The following TUSC7 variants were observed in gnomAD, a reference collection of about 807,000 sequenced individuals.
TUSC7 encodes the protein LSAMP antisense RNA 3.
At chr3:116,713,041 T>C (rs1483096420) in intron 1 of TUSC7, among the ~76,000 whole-genome samples, 1 of 152,198 alleles carries the variant, frequency 6.6e-6, no homozygotes, top group Admixed American at 6.5e-5. Flanking sequence ...CACATAAATA[T>C]ATCTCTAACC....
chr3:116,715,655 T>G (rs542316313), intron 1 of TUSC7, among the ~76,000 whole-genome samples: 1 of 152,312 alleles, frequency 6.6e-6, no homozygotes, highest in South Asian at 2.1e-4. Context: ...ATTTGGCCCA[T>G]TTTTAAATCG....
At chr3:116,712,924 C>T (rs1475607464) in intron 1 of TUSC7, 4 of 152,064 alleles carry the variant, frequency 2.6e-5, no homozygotes, top group Non-Finnish European at 5.9e-5. Context: ...TCTTTTTCAG[C>T]TTACCAAGTG....
intron 1 of TUSC7, chr3:116,714,186 T>A (rs1576301894): frequency 1.3e-5 from 2 of 151,954 alleles, no homozygotes; most frequent in South Asian, 4.1e-4. Flanking sequence ...AATAAGCCAA[T>A]GAGAACAAAA....
At chr3:116,717,014 A>G (rs1368285489) in intron 1 of TUSC7, 2 of 152,174 alleles carry the variant, frequency 1.3e-5, no homozygotes, top group East Asian at 3.8e-4. Flanking sequence ...CCTTCAAATA[A>G]AATGATGACT....
exon 1 of TUSC7, chr3:116,709,811 C>G (rs890091422): frequency 1.3e-5 from 2 of 152,104 alleles, no homozygotes; most frequent in Non-Finnish European, 2.9e-5. Context: ...CCACTCTGAG[C>G]TTTTCCTCTG....
At chr3:116,712,217 T>C (rs1027062738) in intron 1 of TUSC7, 3 of 152,224 alleles carry the variant, frequency 2.0e-5, no homozygotes, top group Admixed American at 6.5e-5. Context: ...TTTTCTGCCT[T>C]TGTCACCAAA....
At chr3:116,709,948 T>C (rs1161248330) in intron 1 of TUSC7, 1 of 152,082 alleles carries the variant, frequency 6.6e-6, no homozygotes, top group African/African-American at 2.4e-5. Context: ...GAGATAAGTC[T>C]GACAGTGGTT....
At chr3:116,710,229 C>G (rs2051451436) in intron 1 of TUSC7, 2 of 152,150 alleles carry the variant, frequency 1.3e-5, no homozygotes, top group African/African-American at 4.8e-5. Flanking sequence ...GACCTGCCCT[C>G]CATTCTATCT....
intron 1 of TUSC7, among the ~76,000 whole-genome samples, chr3:116,713,652 G>C (rs2051480901): frequency 6.6e-6 from 1 of 152,170 alleles, no homozygotes; most frequent in Non-Finnish European, 1.5e-5. Context: ...GAGCTGTAAA[G>C]ACACCTTTTG....
intron 1 of TUSC7, chr3:116,714,161 A>G (rs1324245298): frequency 2.0e-5 from 3 of 152,066 alleles, no homozygotes; most frequent in East Asian, 1.9e-4. Context: ...GTAAAAAAAA[A>G]ATCAATTTAA....
intron 1 of TUSC7, among the ~76,000 whole-genome samples, chr3:116,710,916 C>T (rs1460340685): frequency 6.6e-6 from 1 of 151,998 alleles, no homozygotes; most frequent in Non-Finnish European, 1.5e-5. Context: ...TAGATAGTTA[C>T]TCCATTAACA....
At chr3:116,711,966 C>A (rs1362918180) in intron 1 of TUSC7, among the ~76,000 whole-genome samples, 1 of 152,032 alleles carries the variant, frequency 6.6e-6, no homozygotes, top group East Asian at 1.9e-4. Flanking sequence ...AGAATTTATC[C>A]TTTTTTGTGA....
intron 1 of TUSC7, among the ~76,000 whole-genome samples, chr3:116,712,153 G>A (rs1472690750): frequency 3.3e-5 from 5 of 152,118 alleles, no homozygotes; most frequent in Non-Finnish European, 7.4e-5. Context: ...GTGAGAAAGG[G>A]TCTGATTTAC....
chr3:116,710,041 T>C (rs1390119086), intron 1 of TUSC7: 1 of 152,170 alleles, frequency 6.6e-6, no homozygotes, highest in Non-Finnish European at 1.5e-5. Flanking sequence ...CCACAGATCA[T>C]GCTCAAGCAA....
chr3:116,714,737 C>T (rs1031909593), intron 1 of TUSC7, among the ~76,000 whole-genome samples: 4 of 152,110 alleles, frequency 2.6e-5, no homozygotes, highest in African/African-American at 7.2e-5. Context: ...ACCGATTTCT[C>T]ATATAGCCCC....
At chr3:116,715,193 C>T (rs2051495426) in intron 1 of TUSC7, among the ~76,000 whole-genome samples, 2 of 151,994 alleles carry the variant, frequency 1.3e-5, no homozygotes, top group African/African-American at 4.8e-5. Flanking sequence ...GAATAATATT[C>T]CTTTGTATGT....
chr3:116,713,620 TG>T (rs1242116260), intron 1 of TUSC7, among the ~76,000 whole-genome samples: 1 of 152,218 alleles, frequency 6.6e-6, no homozygotes, highest in Admixed American at 6.5e-5. Context: ...CTAATCATGA[TG>T]AACTGTCCTG....
chr3:116,716,170 G>T (rs1473687194), intron 1 of TUSC7: 1 of 152,176 alleles, frequency 6.6e-6, no homozygotes, highest in African/African-American at 2.4e-5. Context: ...ATTAACATTT[G>T]CTTGTTTTCT....
At position 116,711,072 on chromosome 3, in the gene TUSC7, T is replaced by C. The variant is rs115954506; in HGVS notation, n.98+1196T>C. ...ACTTTCCCATCTTCAAAACCTGCAT[T>C]TTAGGATAAAGGTATCAAGGGGAAG... On this transcript the variant is annotated intron_variant and non_coding_transcript_variant, in intron 1 of 2. Coordinates refer to ENST00000477805, the Ensembl canonical transcript of TUSC7. Among the ~76,000 whole-genome samples, 1,174 of 152,276 alleles carry C rather than the reference T, an allele frequency of 7.7e-3. 17 individuals are homozygous for C. Among genetic ancestry groups the C allele is most frequent in the African/African-American group, 0.026 (1,094 of 41,556 alleles).
Sources: gnomAD v4.1 joint callset for allele counts (sites outside exome capture counted in the v4.1 genomes callset) on GRCh38, gnomAD v4.1.1 for gene constraint, MANE v1.5 for transcripts, NCBI Gene and HGNC (gene_info 2026-07-23, HGNC 2026-07-21) for gene names.